The following NCAPD3 variants were observed in gnomAD, a reference collection of about 807,000 sequenced individuals.
NCAPD3 encodes condensin-2 complex subunit D3.
In NCAPD3, 105 loss-of-function variants were observed where a neutral mutation model predicts 182.9. That is an observed-to-expected ratio of 0.57 (90% confidence interval 0.49 to 0.68). NCAPD3 has a LOEUF of 0.68. NCAPD3 is among the 30% of genes least tolerant of loss of function. The pLI is 0.00. For missense variants in NCAPD3, 1,944 were observed against 1,837.0 expected (o/e 1.06, Z -1.07); for synonymous variants, 815 against 679.9 (o/e 1.20, Z -3.09).
At position 134,204,266 on chromosome 11, in the gene NCAPD3, C is replaced by T; in HGVS notation, c.1090-95G>A. On this transcript the variant is annotated intron_variant, in intron 9 of 34. Coordinates refer to ENST00000534548, the MANE Select transcript of NCAPD3 (RefSeq NM_015261.3). The surrounding 1 kb of genome is among the most constrained non-coding windows in gnomAD (Gnocchi z 4.3). ...ATAAGTTGAAAGTCAGTGAGTACAA[C>T]TAGTTCAATGACCTTTAAATGTTAC... 7.3e-7 allele frequency: 1 copy of T among 1,360,564 alleles called. No homozygotes were observed. The allele number at this position is 1,360,564 out of a possible 1,614,324, so 84.3% of individuals were successfully genotyped here.
In NCAPD3 at chr11:134,172,319, A is replaced by C. The variant is rs536409561; in HGVS notation, c.3102-3265T>G. Reference sequence around the variant, plus strand: ...TCCAGTGACCATCCCATCTGGACCCAATGTCACCAGTGCAGCCACGTCGTG... The same window carrying C: ...TCCAGTGACCATCCCATCTGGACCCCATGTCACCAGTGCAGCCACGTCGTG... On this transcript the variant is annotated intron_variant, in intron 24 of 34. Coordinates refer to ENST00000534548, the MANE Select transcript of NCAPD3 (RefSeq NM_015261.3). 1.1e-4 allele frequency among the ~76,000 whole-genome samples: 16 copies of C among 152,296 alleles called. 1 individual carries two copies. In the South Asian group the frequency reaches 3.3e-3, roughly 32 times the overall value.
intron 8 of NCAPD3, among the ~76,000 whole-genome samples, chr11:134,205,390 T>G (rs1426702664): frequency 1.3e-5 from 2 of 152,064 alleles, no homozygotes; most frequent in Non-Finnish European, 2.9e-5. Flanking sequence ...TTCTTTTTTT[T>G]TTTTTTGTAG....
chr11:134,184,900 C>G lies in NCAPD3; in HGVS notation c.2335+3G>C. 1 of 1,604,930 alleles carries G rather than the reference C, an allele frequency of 6.2e-7. No individual in the cohort carries two copies. Among genetic ancestry groups the G allele is most frequent in the Non-Finnish European group, 8.5e-7 (1 of 1,171,686 alleles). On this transcript the variant is annotated splice_donor_region_variant and intron_variant, in intron 18 of 34. Transcript: ENST00000534548. ...CACATAAGATTCTCCAGCAGACACT[C>G]ACCAGTCACTTTGTCCCGGGTGCTC...
At chr11:134,162,199 A>T (rs1943602309) in intron 27 of NCAPD3, among the ~76,000 whole-genome samples, 1 of 152,184 alleles carries the variant, frequency 6.6e-6, no homozygotes, top group Admixed American at 6.5e-5. Context: ...TCCACAGAAG[A>T]CCCTGAGGGA....
intron 13 of NCAPD3, among the ~76,000 whole-genome samples, chr11:134,202,377 C>A (rs1365107356): frequency 1.3e-5 from 2 of 152,126 alleles, no homozygotes; most frequent in African/African-American, 4.8e-5. Flanking sequence ...GACTGCCCTG[C>A]AGTGTTATTT....
chr11:134,176,253 T>C (rs1944161318), intron 24 of NCAPD3, 54 bp downstream of exon 24: 3 of 1,485,156 alleles, frequency 2.0e-6, no homozygotes, highest in South Asian at 2.3e-5. Context: ...AAATCCAGCA[T>C]ACATCAGAAA....
At chr11:134,205,075 C>T (rs1329794752) in intron 8 of NCAPD3, 104 bp from the exon 9 acceptor site, 5 of 818,062 alleles carry the variant, frequency 6.1e-6, no homozygotes, top group Non-Finnish European at 1.0e-5. Context: ...AAACACTCTA[C>T]CTCACGCTAT....
At chr11:134,186,979 A>T (rs1944420651) in intron 16 of NCAPD3, among the ~76,000 whole-genome samples, 1 of 152,208 alleles carries the variant, frequency 6.6e-6, no homozygotes, top group African/African-American at 2.4e-5. Context: ...GATATAAAAT[A>T]TTAAGTAATG....
At chr11:134,168,886 C>T (rs1170727628) in intron 25 of NCAPD3, 31 bp downstream of exon 25, 2 of 1,601,752 alleles carry the variant, frequency 1.2e-6, no homozygotes, top group South Asian at 2.3e-5. Context: ...TACCCAGATA[C>T]AAGGAGACCA....
At position 134,155,054 on chromosome 11, in the gene NCAPD3, G is replaced by A. The variant is rs184972487; in HGVS notation, c.4253-1691C>T. ...TCTTTACAGAAGCCCGGGTGCGGGG[G>A]CTCTGACGTCCCCCATGCACTGTGC... On this transcript the variant is annotated intron_variant, in intron 32 of 34. Coordinates refer to ENST00000534548, the MANE Select transcript of NCAPD3 (RefSeq NM_015261.3). Among the ~76,000 whole-genome samples, 6 of 152,288 alleles carry A rather than the reference G, an allele frequency of 3.9e-5. No individual in the cohort carries two copies. In the East Asian group the frequency reaches 1.2e-3, roughly 29 times the overall value.
At chr11:134,184,025 T>C (rs932852570) in intron 19 of NCAPD3, among the ~76,000 whole-genome samples, 3 of 152,250 alleles carry the variant, frequency 2.0e-5, no homozygotes, top group East Asian at 1.9e-4. Context: ...AATAAATATA[T>C]GGTAATAAAA....
chr11:134,175,801 C>T lies in NCAPD3; in HGVS notation c.3101+506G>A, dbSNP rs138237087. On this transcript the variant is annotated intron_variant, in intron 24 of 34. Transcript: ENST00000534548. ...AATAATTGCCAAAGTCACTCCCCCA[C>T]GCCACAGAAGTCTGAAGAAATGCCC... 1.8e-3 allele frequency among the ~76,000 whole-genome samples: 279 copies of T among 152,316 alleles called. 5 individuals are homozygous for T. The highest frequency in any genetic ancestry group is 0.013 in the East Asian group (66 of 5,192).
At chr11:134,188,109 A>G (rs1944448284) in intron 16 of NCAPD3, among the ~76,000 whole-genome samples, 1 of 152,204 alleles carries the variant, frequency 6.6e-6, no homozygotes, top group East Asian at 1.9e-4. Context: ...GAGGATTGTA[A>G]GCACACCAAT....
rs1944795666 is a variant in NCAPD3, at chr11:134,203,739, G to A, written c.1383C>T (p.Arg461=). 1 of 1,614,170 alleles carries A rather than the reference G, an allele frequency of 6.2e-7. No homozygotes were observed. The highest frequency in any genetic ancestry group is 8.5e-7 in the Non-Finnish European group (1 of 1,180,026). The change falls in exon 11 of 35, where the codon CGC becomes CGT. Residue 461 remains arginine, a synonymous_variant. Transcript: ENST00000534548. ...DRCLDKAPTV[R]SKALSSFAHC... Reference sequence around the variant, plus strand: ...GTGCAAAGCTGGACAGTGCCTTGCTGCGGACAGTAGGCGCCTTGTCTAAGC... The same window carrying A: ...GTGCAAAGCTGGACAGTGCCTTGCTACGGACAGTAGGCGCCTTGTCTAAGC...
intron 29 of NCAPD3, among the ~76,000 whole-genome samples, chr11:134,159,671 C>G (rs543011286): frequency 6.6e-6 from 1 of 152,212 alleles, no homozygotes; most frequent in Admixed American, 6.5e-5. Flanking sequence ...GCTGCCAGCT[C>G]GCTTCCTGCA....
chr11:134,206,578 T>G, intron 8 of NCAPD3, 21 bp downstream of exon 8: 1 of 1,612,860 alleles, frequency 6.2e-7, no homozygotes, highest in South Asian at 1.1e-5. Context: ...AGGGTGAAAA[T>G]TCACGATTTG....
chr11:134,160,825 C>T (rs868666801), intron 28 of NCAPD3, among the ~76,000 whole-genome samples: 1 of 152,078 alleles, frequency 6.6e-6, no homozygotes, highest in Non-Finnish European at 1.5e-5. Flanking sequence ...AATGAAGAGA[C>T]TCCCTCAAGC....
At chr11:134,217,457 A>G (rs1938069273) in intron 2 of NCAPD3, among the ~76,000 whole-genome samples, 1 of 152,196 alleles carries the variant, frequency 6.6e-6, no homozygotes, top group Non-Finnish European at 1.5e-5. Context: ...CTCTATTTAT[A>G]TTAAAAGGAA....
At chr11:134,160,711 T>C (rs536927970) in intron 28 of NCAPD3, among the ~76,000 whole-genome samples, 5 of 151,926 alleles carry the variant, frequency 3.3e-5, no homozygotes, top group Admixed American at 6.6e-5. Flanking sequence ...CTAACAGTAA[T>C]AGGGAGAAAA....
Sources: allele counts gnomAD v4.1 joint callset (sites outside exome capture counted in the v4.1 genomes callset), GRCh38; gene constraint gnomAD v4.1.1; non-coding constraint Gnocchi (gnomAD v3.1); transcripts MANE v1.5; gene names NCBI Gene and HGNC (gene_info 2026-07-23, HGNC 2026-07-21).